Variants in HTR4 observed in about 807,000 individuals in gnomAD.
The protein encoded by HTR4 is 5-hydroxytryptamine (serotonin) receptor 4, G protein-coupled.
A neutral mutation model predicts 36.8 loss-of-function variants in HTR4; 16 were observed. That is an observed-to-expected ratio of 0.43 (90% CI 0.29 to 0.66). The LOEUF is 0.66. HTR4 is among the 30% of genes least tolerant of loss of function. The pLI, the probability that HTR4 is intolerant of heterozygous loss-of-function variation, is 0.13. For synonymous variants in HTR4, 189 were observed against 185.1 expected, an observed-to-expected ratio of 1.02 and a Z score of -0.17; for missense variants, 438 against 490.9, an observed-to-expected ratio of 0.89 and a Z score of 1.02.
chr5:148,652,887 T>A (rs901816792), intron 1 of HTR4, among the ~76,000 whole-genome samples: 16 of 152,300 alleles, frequency 1.1e-4, no homozygotes, highest in African/African-American at 3.6e-4. Context: ...TTTTACTAAT[T>A]TTTTTCCTGA....
intron 5 of HTR4, among the ~76,000 whole-genome samples, chr5:148,468,540 C>T (rs528943871): frequency 1.3e-5 from 2 of 152,318 alleles, no homozygotes; most frequent in South Asian, 2.1e-4. Context: ...TTGTCCCCTT[C>T]CTCAGACTGA....
chr5:148,481,825 T>C lies in HTR4; in HGVS notation c.*1378A>G. 7.5e-7 allele frequency: 1 copy of C among 1,341,154 alleles called. No individual in the cohort carries two copies. The highest frequency in any genetic ancestry group is 9.5e-7 in the Non-Finnish European group (1 of 1,053,126). 83.1% of individuals were successfully genotyped at this position (1,341,154 alleles called of 1,614,324 possible). On this transcript the variant is annotated 3_prime_UTR_variant, in exon 7 of 7. Coordinates refer to ENST00000377888, the MANE Select transcript of HTR4 (RefSeq NM_000870.7). ...ATTCGCAAGAGCCACTGACTCAGCT[T>C]TGAATAAAAGACATCCAGATTAATC... is the stretch of plus-strand genomic sequence containing the variant.
At chr5:148,622,703 T>C (rs1456523568) in intron 2 of HTR4, among the ~76,000 whole-genome samples, 1 of 152,262 alleles carries the variant, frequency 6.6e-6, no homozygotes, top group East Asian at 1.9e-4. Context: ...GGGTTAATGA[T>C]ACTTGCCCTT....
intron 6 of HTR4, among the ~76,000 whole-genome samples, chr5:148,483,934 A>T (rs1756017309): frequency 1.4e-5 from 2 of 144,714 alleles, no homozygotes; most frequent in African/African-American, 5.0e-5. Context: ...AGTTGATTTT[A>T]TTATTTATTT....
chr5:148,573,511 G>T (rs758546485), intron 2 of HTR4, among the ~76,000 whole-genome samples: 1 of 152,010 alleles, frequency 6.6e-6, no homozygotes. Flanking sequence ...AAGTGTGTGT[G>T]TCACAAACTG....
chr5:148,526,893 T>A (rs1244681524), intron 4 of HTR4, among the ~76,000 whole-genome samples: 2 of 151,096 alleles, frequency 1.3e-5, no homozygotes, highest in East Asian at 3.9e-4. Flanking sequence ...GTAGGGGGAG[T>A]ATGAAGAGGG....
downstream of HTR4, among the ~76,000 whole-genome samples, chr5:148,478,683 G>T (rs568631065): frequency 6.6e-6 from 1 of 152,148 alleles, no homozygotes; most frequent in African/African-American, 2.4e-5. Flanking sequence ...GGGAGATCCA[G>T]ACCTACCTAT....
At chr5:148,634,663 A>T (rs1753461176) in intron 2 of HTR4, among the ~76,000 whole-genome samples, 1 of 152,040 alleles carries the variant, frequency 6.6e-6, no homozygotes, top group Non-Finnish European at 1.5e-5. Flanking sequence ...CACATTAAAG[A>T]AAAAAAACAA....
chr5:148,514,773 T>C (rs1757658573), intron 5 of HTR4, among the ~76,000 whole-genome samples: 1 of 152,212 alleles, frequency 6.6e-6, no homozygotes, highest in Non-Finnish European at 1.5e-5. Context: ...TTTATCATTA[T>C]GAAATATTTC....
chr5:148,528,366 T>C (rs1190151205), intron 4 of HTR4, among the ~76,000 whole-genome samples: 4 of 152,176 alleles, frequency 2.6e-5, no homozygotes, highest in African/African-American at 9.7e-5. Flanking sequence ...AATTCTAGCA[T>C]CTACTTAACT....
chr5:148,588,237 T>C (rs2127254984), intron 2 of HTR4, among the ~76,000 whole-genome samples: 1 of 152,348 alleles, frequency 6.6e-6, no homozygotes, highest in East Asian at 1.9e-4. Context: ...AACACTTGCA[T>C]TGTTGACCAA....
At chr5:148,490,686 T>C in intron 6 of HTR4, 2 of 1,195,386 alleles carry the variant, frequency 1.7e-6, no homozygotes, top group Non-Finnish European at 2.1e-6. Flanking sequence ...TGACTGATGG[T>C]CATCCAATTG....
At chr5:148,525,745 G>T (rs1320145959) in intron 4 of HTR4, among the ~76,000 whole-genome samples, 1 of 152,100 alleles carries the variant, frequency 6.6e-6, no homozygotes, top group Non-Finnish European at 1.5e-5. Flanking sequence ...GCTTAAGCTG[G>T]TGTCATGGGT....
chr5:148,526,085 A>G (rs1407078715), intron 4 of HTR4, among the ~76,000 whole-genome samples: 1 of 152,166 alleles, frequency 6.6e-6, no homozygotes, highest in Non-Finnish European at 1.5e-5. Flanking sequence ...TTCCAGAGGG[A>G]TAATCGCCCT....
In HTR4 at chr5:148,600,320, T is replaced by C. The variant is rs554261756; in HGVS notation, c.26+36669A>G. On this transcript the variant is annotated intron_variant, in intron 2 of 6. Coordinates refer to ENST00000377888, the MANE Select transcript of HTR4 (RefSeq NM_000870.7). ...CACATATATATTATATTATATATTT[T>C]AATATATGTATATTATTTATATATA... 4.8e-5 allele frequency among the ~76,000 whole-genome samples: 7 copies of C among 146,714 alleles called. No homozygotes were observed. The South Asian group carries it at 1.5e-3, about 31-fold the overall frequency.
intron 6 of HTR4, chr5:148,490,621 T>A: frequency 8.5e-7 from 1 of 1,172,980 alleles, no homozygotes. Flanking sequence ...AAATGTTGAC[T>A]AATGAACATT....
At chr5:148,541,967 TTCCTTC>T (rs1244553842) in intron 4 of HTR4, among the ~76,000 whole-genome samples, 7 of 152,130 alleles carry the variant, frequency 4.6e-5, no homozygotes, top group Admixed American at 4.6e-4. Context: ...CTTTTTTTTT[TTCCTTC>T]TCCTTATAGT....
At chr5:148,571,919 T>C (rs969246464) in intron 2 of HTR4, among the ~76,000 whole-genome samples, 1 of 152,152 alleles carries the variant, frequency 6.6e-6, no homozygotes, top group Admixed American at 6.6e-5. Context: ...CTCATGAATA[T>C]CTAATTTGAC....
chr5:148,651,154 C>A (rs1754020353), intron 1 of HTR4, among the ~76,000 whole-genome samples: 1 of 152,162 alleles, frequency 6.6e-6, no homozygotes, highest in African/African-American at 2.4e-5. Context: ...TCTCATTAAG[C>A]ATTTAGAACA....
Sources: allele counts gnomAD v4.1 joint callset (sites outside exome capture counted in the v4.1 genomes callset), GRCh38; gene constraint gnomAD v4.1.1; transcripts MANE v1.5; gene names NCBI Gene and HGNC (gene_info 2026-07-23, HGNC 2026-07-21).